RORA: variants seen among roughly 807,000 people sequenced by gnomAD.
The protein encoded by RORA is RAR related orphan receptor A, also known as nuclear receptor ROR-alpha.
Under a neutral mutation model 69.5 loss-of-function variants are expected in RORA, and 7 were observed. The ratio of observed to expected loss-of-function variants is 0.10; its 90% confidence interval spans 0.06 to 0.19. RORA has a LOEUF of 0.19. Ranked by LOEUF, RORA falls within the 10% of genes least tolerant of loss-of-function variation. The probability of loss-of-function intolerance (pLI) is 1.00; values close to 1 mark genes in which losing one functional copy is unlikely to be tolerated. For synonymous variants in RORA, 261 were observed against 240.8 expected (o/e 1.08, Z -0.78); for missense variants, 457 against 663.0 (o/e 0.69, Z 3.41).
intron 2 of RORA, among the ~76,000 whole-genome samples, chr15:60,597,603 TATATATATATATATACATAC>T (rs1567115540): frequency 1.2e-4 from 5 of 40,600 alleles, no homozygotes; most frequent in African/African-American, 6.2e-4. Context: ...TACACATATA[TATATATATATATATACATAC>T]ATATATATAC....
At chr15:61,209,117 T>G (rs1318905148) in intron 1 of RORA, among the ~76,000 whole-genome samples, 1 of 152,250 alleles carries the variant, frequency 6.6e-6, no homozygotes, top group Non-Finnish European at 1.5e-5. Context: ...AAAGCCTCAC[T>G]GCTTCAGTAC....
At chr15:61,078,365 G>GTT (rs1268944013) in intron 1 of RORA, among the ~76,000 whole-genome samples, 1 of 148,232 alleles carries the variant, frequency 6.7e-6, no homozygotes, top group African/African-American at 2.5e-5. Context: ...GTGTGTGTGT[G>GTT]TGTGTGTAGT....
intron 1 of RORA, among the ~76,000 whole-genome samples, chr15:61,109,687 T>C (rs2078985184): frequency 1.3e-5 from 2 of 152,238 alleles, no homozygotes; most frequent in South Asian, 4.1e-4. Context: ...TGCAGAATAG[T>C]ACGCTTGTTA....
intron 1 of RORA, among the ~76,000 whole-genome samples, chr15:61,071,156 C>T (rs561114641): frequency 1.8e-4 from 24 of 129,954 alleles, no homozygotes; most frequent in African/African-American, 6.6e-4. Context: ...GTTTCTAAGT[C>T]AAAGCATTCA....
chr15:60,703,576 G>C lies in RORA; in HGVS notation c.167-24890C>G, dbSNP rs574888634. Among the ~76,000 whole-genome samples the C allele has an allele frequency of 1.8e-4, 28 of 152,206 alleles. No individual in the cohort carries two copies. The South Asian group carries it at 5.6e-3, about 30-fold the overall frequency. On this transcript the variant is annotated intron_variant, in intron 1 of 10. Transcript: ENST00000335670. ...GTGGGAGGGTGTGCAGCTTAGATGG[G>C]GACAGTCACAAGCCGGTTTTACTAC... is the stretch of plus-strand genomic sequence containing the variant.
chr15:61,099,077 T>C (rs1042114317), intron 1 of RORA, among the ~76,000 whole-genome samples: 6 of 152,140 alleles, frequency 3.9e-5, no homozygotes, highest in Non-Finnish European at 8.8e-5. Context: ...CTAGAAGGAG[T>C]AATTAGCTGA....
intron 3 of RORA, among the ~76,000 whole-genome samples, chr15:60,524,403 G>C (rs886584613): frequency 3.9e-5 from 6 of 152,132 alleles, no homozygotes; most frequent in Non-Finnish European, 7.3e-5. Flanking sequence ...CCACATGTCC[G>C]GGCAGCTCTT....
chr15:61,227,588 A>G (rs1243810840), intron 1 of RORA, among the ~76,000 whole-genome samples: 4 of 147,360 alleles, frequency 2.7e-5, no homozygotes, highest in East Asian at 2.0e-4. Context: ...GGGGGGGGGG[A>G]TACTGTAAAA....
chr15:61,163,140 T>A (rs1450887736), intron 1 of RORA, among the ~76,000 whole-genome samples: 2 of 152,246 alleles, frequency 1.3e-5, no homozygotes, highest in African/African-American at 4.8e-5. Context: ...TACTTGCTGT[T>A]TTCCAGTTAA....
intron 1 of RORA, among the ~76,000 whole-genome samples, chr15:60,972,326 A>G (rs1049779391): frequency 6.6e-6 from 1 of 152,240 alleles, no homozygotes; most frequent in Non-Finnish European, 1.5e-5. Flanking sequence ...CAGCATAAAG[A>G]GCAGGCTGCA....
intron 1 of RORA, among the ~76,000 whole-genome samples, chr15:60,863,324 C>T (rs970004982): frequency 1.3e-5 from 2 of 152,198 alleles, no homozygotes; most frequent in African/African-American, 4.8e-5. Context: ...TACACCAGTA[C>T]CCAAACTGGA....
In RORA at chr15:61,010,124, T is replaced by G. The variant is rs151111248; in HGVS notation, c.166+218929A>C. Among the ~76,000 whole-genome samples the G allele has an allele frequency of 3.9e-5, 6 of 152,344 alleles. No individual in the cohort carries two copies. In the East Asian group the frequency reaches 9.6e-4, roughly 24 times the overall value. The stretch of plus-strand genomic sequence containing the variant: ...TATGCTTTGGGTTATATGCTAACTA[T>G]TCCTTGTCAGATGGTGAGTTAAAAA... On this transcript the variant is annotated intron_variant, in intron 1 of 10. Coordinates refer to ENST00000335670, the MANE Select transcript of RORA (RefSeq NM_134261.3).
chr15:60,535,020 C>T (rs978226406), intron 2 of RORA, among the ~76,000 whole-genome samples: 1 of 152,114 alleles, frequency 6.6e-6, no homozygotes, highest in Non-Finnish European at 1.5e-5. Flanking sequence ...GACAAAAATC[C>T]CTCTGCCCTT....
intron 1 of RORA, among the ~76,000 whole-genome samples, chr15:61,030,547 A>G (rs926392030): frequency 3.9e-5 from 6 of 152,208 alleles, no homozygotes; most frequent in Non-Finnish European, 8.8e-5. Context: ...ACAGGTCCTG[A>G]GAAGGAAGAG....
At chr15:60,610,017 C>A (rs767113314) in intron 2 of RORA, among the ~76,000 whole-genome samples, 1 of 151,994 alleles carries the variant, frequency 6.6e-6, no homozygotes, top group South Asian at 2.1e-4. Flanking sequence ...TCGAGAGAGC[C>A]GTTTGAAGCT....
At position 61,150,281 on chromosome 15, in the gene RORA, C is replaced by CCT. The variant is rs573177159; in HGVS notation, c.166+78770_166+78771dup. On this transcript the variant is annotated intron_variant, in intron 1 of 10. Transcript: ENST00000335670. Reference sequence around the variant, plus strand: ...CATTTATTGGCCTCCTTCAGTTAATCCTCTTTGGGCTTATAAAGCTCTACA... The same window carrying CCT: ...CATTTATTGGCCTCCTTCAGTTAATCCTCTCTTTGGGCTTATAAAGCTCTACA... Among the ~76,000 whole-genome samples, 461 of 152,284 alleles carry CCT rather than the reference C, an allele frequency of 3.0e-3. 3 individuals carry two copies. Among genetic ancestry groups the CCT allele is most frequent in the Non-Finnish European group, 5.2e-3 (356 of 68,018 alleles).
intron 1 of RORA, among the ~76,000 whole-genome samples, chr15:60,971,704 T>A (rs533824096): frequency 2.0e-5 from 3 of 152,368 alleles, no homozygotes; most frequent in Admixed American, 6.5e-5. Context: ...TTAAAAGCTC[T>A]TTTACAGACA....
At chr15:60,563,411 T>C (rs2067632970) in intron 2 of RORA, among the ~76,000 whole-genome samples, 1 of 152,246 alleles carries the variant, frequency 6.6e-6, no homozygotes, top group Non-Finnish European at 1.5e-5. Context: ...AGAAGGTATC[T>C]CACTTCACTT....
chr15:61,128,156 A>G lies in RORA; in HGVS notation c.166+100897T>C, dbSNP rs1256048298. 6.6e-6 allele frequency among the ~76,000 whole-genome samples: 1 copy of G among 152,004 alleles called. No homozygotes were observed. The highest frequency in any genetic ancestry group is 2.4e-5 in the African/African-American group (1 of 41,398). On this transcript the variant is annotated intron_variant, in intron 1 of 10. Transcript: ENST00000335670. The surrounding 1 kb of genome is among the most constrained non-coding windows in gnomAD (Gnocchi z 4.5). ...TATCATTTCTACTTAAGTTGGAATG[A>G]TTTGTATATTTTCCCTATATCATAA...
Sources: allele counts gnomAD v4.1 joint callset (sites outside exome capture counted in the v4.1 genomes callset), GRCh38; gene constraint gnomAD v4.1.1; non-coding constraint Gnocchi (gnomAD v3.1); transcripts MANE v1.5; gene names NCBI Gene and HGNC (gene_info 2026-07-23, HGNC 2026-07-21).